Variants in GLG1 observed in about 807,000 individuals in gnomAD.
GLG1 encodes Golgi apparatus protein 1.
A neutral mutation model predicts 160.5 loss-of-function variants in GLG1; 38 were observed. The observed-to-expected ratio is 0.24, with a 90% CI of 0.18 to 0.31. GLG1 has a LOEUF of 0.31. GLG1 is among the 10% of genes least tolerant of loss of function. The probability of loss-of-function intolerance (pLI) is 1.00; values close to 1 mark genes in which losing one functional copy is unlikely to be tolerated. For missense variants in GLG1, 1,373 were observed against 1,505.2 expected, an observed-to-expected ratio of 0.91 and a Z score of 1.45; for synonymous variants, 644 against 543.4, an observed-to-expected ratio of 1.19 and a Z score of -2.57.
Position 74,453,134 on chromosome 16 carries a change from G to A in GLG1, c.*33C>T. On this transcript the variant is annotated 3_prime_UTR_variant, in exon 26 of 26. Coordinates refer to ENST00000422840, the MANE Select transcript of GLG1 (RefSeq NM_001145667.2). ...AAGAGGGCTGTACAAACTGGGCACT[G>A]GATAGGTAGTTCCTTTGGTGGTCAA... The A allele has an allele frequency of 1.9e-6, 3 of 1,608,676 alleles. No individual in the cohort carries two copies. The highest frequency in any genetic ancestry group is 1.1e-5 in the South Asian group (1 of 90,128).
At chr16:74,469,887 C>G in intron 16 of GLG1, 98 bp downstream of exon 16, 1 of 808,066 alleles carries the variant, frequency 1.2e-6, no homozygotes, top group Admixed American at 1.7e-5. Flanking sequence ...GGGCTAACCC[C>G]ACGAGGCAGC....
intron 12 of GLG1, among the ~76,000 whole-genome samples, chr16:74,476,883 T>C (rs2015404934): frequency 6.6e-6 from 1 of 152,224 alleles, no homozygotes; most frequent in Admixed American, 6.5e-5. Context: ...TTTGGGACTG[T>C]TCTAGGGCAT....
chr16:74,532,041 GAAC>G (rs540199030), intron 2 of GLG1, 77 bp downstream of exon 2: 9 of 572,106 alleles, frequency 1.6e-5, no homozygotes, highest in African/African-American at 7.7e-5. Context: ...GCACTTCCCA[GAAC>G]AACAGGAAGA....
intron 19 of GLG1, among the ~76,000 whole-genome samples, chr16:74,464,371 G>A (rs149516641): frequency 6.6e-6 from 1 of 152,116 alleles, no homozygotes. Flanking sequence ...TTAATTACAG[G>A]GCTATAATCC....
At chr16:74,586,855 C>CAAGTAG (rs1958065023) in intron 1 of GLG1, among the ~76,000 whole-genome samples, 5 of 152,014 alleles carry the variant, frequency 3.3e-5, no homozygotes, top group African/African-American at 1.2e-4. Flanking sequence ...ACCACCACAC[C>CAAGTAG]CTGCTAATTT....
intron 22 of GLG1, among the ~76,000 whole-genome samples, chr16:74,460,763 T>G (rs2014759208): frequency 6.6e-6 from 1 of 152,250 alleles, no homozygotes; most frequent in Non-Finnish European, 1.5e-5. Flanking sequence ...ATCTTTACAC[T>G]GTAAACACTG....
chr16:74,597,166 C>T (rs983838746), intron 1 of GLG1, among the ~76,000 whole-genome samples: 3 of 151,790 alleles, frequency 2.0e-5, no homozygotes, highest in Non-Finnish European at 2.9e-5. Context: ...GGCACAGTGG[C>T]TCACGCCTGT....
intron 2 of GLG1, among the ~76,000 whole-genome samples, chr16:74,523,949 G>A (rs1047849125): frequency 8.5e-5 from 13 of 152,116 alleles, no homozygotes; most frequent in Admixed American, 2.6e-4. Flanking sequence ...GGTGGCTCAC[G>A]CCTGTGTAAT....
At chr16:74,470,374 C>T (rs1357026151) in intron 15 of GLG1, among the ~76,000 whole-genome samples, 2 of 143,268 alleles carry the variant, frequency 1.4e-5, no homozygotes, top group African/African-American at 5.1e-5. Flanking sequence ...TCCTTCCTTC[C>T]CTCCCTCCTT....
rs562888597 is a variant in GLG1 at position 74,469,132 on chromosome 16, G to C, written c.2319-69C>G. 2.1e-4 allele frequency: 208 copies of C among 975,710 alleles called. 1 individual carries two copies. In the African/African-American group the frequency reaches 2.7e-3, roughly 12 times the overall value. 60.4% of individuals were successfully genotyped at this position (975,710 alleles called of 1,614,324 possible). On this transcript the variant is annotated intron_variant, in intron 16 of 25. Transcript: ENST00000422840. ...GCAGATGGCCTGAGAGCTGGGCTTGGGGGGGGTCACACCATTAAGAATTCA... is the reference window on the plus strand; with the variant it reads ...GCAGATGGCCTGAGAGCTGGGCTTGCGGGGGGTCACACCATTAAGAATTCA...
intron 1 of GLG1, among the ~76,000 whole-genome samples, chr16:74,586,821 A>G (rs755605209): frequency 6.6e-6 from 1 of 151,860 alleles, no homozygotes; most frequent in Non-Finnish European, 1.5e-5. Context: ...TCAGCCTACC[A>G]AGTAGCTGGG....
intron 1 of GLG1, among the ~76,000 whole-genome samples, chr16:74,547,359 G>T (rs2018077240): frequency 6.6e-6 from 1 of 151,502 alleles, no homozygotes. Flanking sequence ...TTTCGCTTTA[G>T]AATTTAAGAT....
At chr16:74,590,300 A>ATG (rs1463556100) in intron 1 of GLG1, among the ~76,000 whole-genome samples, 1 of 151,924 alleles carries the variant, frequency 6.6e-6, no homozygotes, top group Non-Finnish European at 1.5e-5. Context: ...TGCCTAGCCG[A>ATG]TAATTTTTCT....
chr16:74,580,490 C>A (rs2143818970), intron 1 of GLG1, among the ~76,000 whole-genome samples: 1 of 152,168 alleles, frequency 6.6e-6, no homozygotes, highest in African/African-American at 2.4e-5. Context: ...CAGAGAGAGA[C>A]CCTATTTCAA....
chr16:74,473,586 C>A (rs1042549036), intron 13 of GLG1, among the ~76,000 whole-genome samples: 3 of 151,000 alleles, frequency 2.0e-5, no homozygotes, highest in African/African-American at 7.3e-5. Context: ...ACTACAGGCA[C>A]CCGCCACCAC....
At chr16:74,510,842 G>A (rs1258630967) in intron 2 of GLG1, among the ~76,000 whole-genome samples, 2 of 152,134 alleles carry the variant, frequency 1.3e-5, no homozygotes, top group African/African-American at 4.8e-5. Context: ...TGGCATCACT[G>A]GGTACCACAG....
At chr16:74,558,737 A>C (rs568595886) in intron 1 of GLG1, among the ~76,000 whole-genome samples, 2 of 152,344 alleles carry the variant, frequency 1.3e-5, no homozygotes, top group African/African-American at 4.8e-5. Flanking sequence ...TGACCCTACG[A>C]GTTTCATGGT....
intron 1 of GLG1, among the ~76,000 whole-genome samples, chr16:74,581,078 T>C (rs914845071): frequency 6.6e-6 from 1 of 152,184 alleles, no homozygotes; most frequent in Non-Finnish European, 1.5e-5. Context: ...TGAAAAACAG[T>C]ATGCCCTAAC....
chr16:74,493,906 A>T (rs1169658973), intron 6 of GLG1, among the ~76,000 whole-genome samples: 1 of 152,150 alleles, frequency 6.6e-6, no homozygotes, highest in Non-Finnish European at 1.5e-5. Context: ...TTTTATATAA[A>T]ATCACACTGA....
Sources: gnomAD v4.1 joint callset for allele counts (sites outside exome capture counted in the v4.1 genomes callset) on GRCh38, gnomAD v4.1.1 for gene constraint, MANE v1.5 for transcripts, NCBI Gene and HGNC (gene_info 2026-07-23, HGNC 2026-07-21) for gene names.